F13B: variants seen among roughly 807,000 people sequenced by gnomAD.
F13B encodes TGase.
A neutral mutation model predicts 79.8 loss-of-function variants in F13B; 58 were observed. The ratio of observed to expected loss-of-function variants is 0.73; its 90% confidence interval spans 0.59 to 0.90. The LOEUF (loss-of-function observed/expected upper bound fraction) is 0.90. F13B is among the 40% of genes least tolerant of loss of function. F13B has a pLI of 0.00. For synonymous variants in F13B, 283 were observed against 260.3 expected (o/e 1.09, Z -0.84); for missense variants, 773 against 777.0 (o/e 0.99, Z 0.06).
At chr1:197,047,089 C>T (rs1655261052) in intron 10 of F13B, among the ~76,000 whole-genome samples, 1 of 152,162 alleles carries the variant, frequency 6.6e-6, no homozygotes, top group South Asian at 2.1e-4. Flanking sequence ...TCATTCAGGA[C>T]ATAGGCATTG....
chr1:197,057,555 T>C (rs1459047382), intron 5 of F13B, 90 bp from the exon 6 acceptor site: 3 of 1,334,100 alleles, frequency 2.2e-6, no homozygotes, highest in South Asian at 1.3e-5. Flanking sequence ...TCAAGCATCA[T>C]AGAGAGAATG....
Position 197,061,732 on chromosome 1 carries a change from A to C in F13B, c.451+52T>G, listed in dbSNP as rs1219801916. ...TATCAATATAAGCTTCAATATATTC[A>C]ATATAAGCTTGATAAGCACTTATCT... is the stretch of plus-strand genomic sequence containing the variant. On this transcript the variant is annotated intron_variant, in intron 3 of 11. Coordinates refer to ENST00000367412, the MANE Select transcript of F13B (RefSeq NM_001994.3). 5 of 1,425,860 alleles carry C rather than the reference A, an allele frequency of 3.5e-6. No individual in the cohort carries two copies. The Admixed American group carries it at 8.5e-5, about 24-fold the overall frequency. The allele number at this position is 1,425,860 out of a possible 1,614,324, so 88.3% of individuals were successfully genotyped here. A position where few individuals can be genotyped will look rare whatever the true frequency, so the allele number is the denominator to read the frequency against.
chr1:197,040,184 T>C (rs1654984041), intron 11 of F13B: 1 of 233,790 alleles, frequency 4.3e-6, no homozygotes. Context: ...TATTGAGAAG[T>C]AGGAGAAAGT....
chr1:197,049,597 C>A (rs17549699), intron 10 of F13B, among the ~76,000 whole-genome samples: 280 of 152,096 alleles, frequency 1.8e-3, no homozygotes, highest in African/African-American at 6.5e-3. Flanking sequence ...CACGGAAAAA[C>A]TCAAGTCCCA....
At chr1:197,039,491 T>C in intron 11 of F13B, 80 bp from the exon 12 acceptor site, 1 of 1,086,698 alleles carries the variant, frequency 9.2e-7, no homozygotes, top group South Asian at 1.3e-5. Context: ...CTTTCAATTT[T>C]TCATATAATG....
intron 2 of F13B, among the ~76,000 whole-genome samples, chr1:197,062,480 G>C (rs1655900064): frequency 6.6e-6 from 1 of 152,140 alleles, no homozygotes. Flanking sequence ...TAAAGCATTA[G>C]AGTAGCAATC....
chr1:197,060,826 C>A, intron 4 of F13B, 73 bp downstream of exon 4: 1 of 1,377,054 alleles, frequency 7.3e-7, no homozygotes, highest in Non-Finnish European at 1.0e-6. Context: ...ATGAGCATGA[C>A]AACTTATATA....
chr1:197,048,822 ACT>A (rs1655335412), intron 10 of F13B, among the ~76,000 whole-genome samples: 1 of 53,586 alleles, frequency 1.9e-5, no homozygotes, highest in Non-Finnish European at 8.6e-5. Flanking sequence ...GACAAAGTTA[ACT>A]TTTTTCAAGT....
Position 197,057,317 on chromosome 1 carries a change from A to G in F13B, c.954T>C (p.Asp318=), listed in dbSNP as rs773356629. 9 of 1,613,978 alleles carry G rather than the reference A, an allele frequency of 5.6e-6. No individual in the cohort carries two copies. Among genetic ancestry groups the G allele is most frequent in the Admixed American group, 5.0e-5 (3 of 59,978 alleles). The change falls in exon 6 of 12, where the codon GAT becomes GAC. Residue 318 remains aspartate, a synonymous_variant. Coordinates refer to ENST00000367412, the MANE Select transcript of F13B (RefSeq NM_001994.3). ...ATTTTGGAGGTTCTGTCCATTTTCC[A>G]TCTTCACAACGTATTTCTGCTGACC... ...IHGSAEIRCE[D]GKWTEPPKCI...
intron 11 of F13B, 111 bp from the exon 12 acceptor site, chr1:197,039,522 A>G (rs747858466): frequency 1.2e-6 from 1 of 803,766 alleles, no homozygotes; most frequent in Non-Finnish European, 2.1e-6. Context: ...TTTATTAAGT[A>G]CTAATAAGAA....
At chr1:197,042,844 A>AT (rs1655093280) in intron 10 of F13B, among the ~76,000 whole-genome samples, 1 of 150,098 alleles carries the variant, frequency 6.7e-6, no homozygotes, top group Admixed American at 6.8e-5. Flanking sequence ...TCTATGTGCC[A>AT]TTTTTTTCTC....
At chr1:197,049,925 T>C (rs857017) in intron 10 of F13B, among the ~76,000 whole-genome samples, 118,963 of 152,146 alleles carry the variant, frequency 0.78, 49,863 homozygotes, top group East Asian at 1. Flanking sequence ...AAGTAATAAT[T>C]ATGTAATTAT....
chr1:197,053,997 GAAT>G (rs1655547608), intron 8 of F13B, among the ~76,000 whole-genome samples: 2 of 152,056 alleles, frequency 1.3e-5, no homozygotes, highest in African/African-American at 4.8e-5. Context: ...TTAATGTCTG[GAAT>G]AATAATTCCT....
chr1:197,051,091 T>C, intron 9 of F13B, among the ~76,000 whole-genome samples: 1 of 152,070 alleles, frequency 6.6e-6, no homozygotes, highest in East Asian at 1.9e-4. Context: ...TTTTCTTTTG[T>C]AGAGACAGGG....
Position 197,039,286 on chromosome 1 carries a change from C to A in F13B, c.*92G>T. The A allele has an allele frequency of 9.1e-7, 1 of 1,101,500 alleles. No individual in the cohort carries two copies. Among genetic ancestry groups the A allele is most frequent in the Non-Finnish European group, 1.4e-6 (1 of 733,742 alleles). 68.2% of individuals were successfully genotyped at this position (1,101,500 alleles called of 1,614,324 possible). A position where few individuals can be genotyped will look rare whatever the true frequency, so the allele number is the denominator to read the frequency against. On this transcript the variant is annotated 3_prime_UTR_variant, in exon 12 of 12. Coordinates refer to ENST00000367412, the MANE Select transcript of F13B (RefSeq NM_001994.3). Reference sequence around the variant, plus strand: ...ATTCAAATATTTAAGCAAGGAAAAACTCCGAAGTTTTTAACTTATTTCCTC... The same window carrying A: ...ATTCAAATATTTAAGCAAGGAAAAAATCCGAAGTTTTTAACTTATTTCCTC...
intron 5 of F13B, among the ~76,000 whole-genome samples, chr1:197,058,674 A>G (rs1655733928): frequency 6.6e-6 from 1 of 152,174 alleles, no homozygotes; most frequent in South Asian, 2.1e-4. Context: ...CTGGATAGAT[A>G]GTTCCAGATA....
At chr1:197,049,082 C>G (rs1406228986) in intron 10 of F13B, among the ~76,000 whole-genome samples, 3 of 151,554 alleles carry the variant, frequency 2.0e-5, no homozygotes, top group Non-Finnish European at 2.9e-5. Context: ...AGTAAAAATC[C>G]AAGATATAAA....
rs1184479943 is a variant in F13B, at chr1:197,061,785, A to G, written c.450T>C (p.His150=). The G allele has an allele frequency of 4.3e-6, 7 of 1,612,428 alleles. No individual in the cohort carries two copies. Among genetic ancestry groups the G allele is most frequent in the Non-Finnish European group, 5.9e-6 (7 of 1,178,860 alleles). The change falls in exon 3 of 12, where the codon CAT becomes CAC. Residue 150 remains histidine, a splice_region_variant and synonymous_variant. Transcript: ENST00000367412. ...WSSQPTCRKE[H]ETCLAPELYN... The stretch of plus-strand genomic sequence containing the variant: ...AGTTTTAGGAAATGATTCTTATACC[A>G]TGTTCTTTCCTACAGGTTGGTTGAG...
intron 10 of F13B, among the ~76,000 whole-genome samples, chr1:197,041,333 T>C (rs1655029093): frequency 6.6e-6 from 1 of 152,166 alleles, no homozygotes; most frequent in African/African-American, 2.4e-5. Flanking sequence ...GTTGTGTCCT[T>C]TCCCATGTAT....
Sources: gnomAD v4.1 joint callset for allele counts (sites outside exome capture counted in the v4.1 genomes callset) on GRCh38, gnomAD v4.1.1 for gene constraint, MANE v1.5 for transcripts, NCBI Gene and HGNC (gene_info 2026-07-23, HGNC 2026-07-21) for gene names.